RIPOR3: variants seen among roughly 807,000 people sequenced by gnomAD.
The protein encoded by RIPOR3 is RIPOR family member 3.
In RIPOR3, 95 loss-of-function variants were observed where a neutral mutation model predicts 114.3. The ratio of observed to expected loss-of-function variants is 0.83; its 90% CI spans 0.70 to 0.99. The LOEUF is 0.99. Among genes scored for constraint, RIPOR3 ranks in the 50% least tolerant of loss-of-function variants. The pLI is 0.00. For synonymous variants in RIPOR3, 575 were observed against 543.8 expected, an observed-to-expected ratio of 1.06 and a Z score of -0.80; for missense variants, 1,252 against 1,266.9, an observed-to-expected ratio of 0.99 and a Z score of 0.18.
Position 50,635,428 on chromosome 20 carries a change from C to T in RIPOR3, c.4-4572G>A, listed in dbSNP as rs181601470. On this transcript the variant is annotated intron_variant, in intron 1 of 21. Transcript: ENST00000327979. ...CAGCACTTTGAGAGGCTGAGATGGG[C>T]GGATCACTTGAGCCCAGGAGTTCGA... Among the ~76,000 whole-genome samples, 55 of 152,156 alleles carry T rather than the reference C, an allele frequency of 3.6e-4. 1 individual carries two copies. The East Asian group carries it at 9.7e-3, about 27-fold the overall frequency.
chr20:50,599,375 G>C (rs533456686), intron 13 of RIPOR3, among the ~76,000 whole-genome samples: 300 of 151,440 alleles, frequency 2.0e-3, no homozygotes, highest in Middle Eastern at 6.8e-3. Flanking sequence ...CTGGACAACA[G>C]AGTGAGACTC....
chr20:50,616,572 G>C (rs2084179808), intron 3 of RIPOR3, among the ~76,000 whole-genome samples: 1 of 152,104 alleles, frequency 6.6e-6, no homozygotes, highest in South Asian at 2.1e-4. Context: ...CGAACTCCTT[G>C]ACCTCAGGTG....
At chr20:50,649,836 TG>T (rs1241231992) in intron 1 of RIPOR3, among the ~76,000 whole-genome samples, 2 of 152,098 alleles carry the variant, frequency 1.3e-5, no homozygotes, top group Non-Finnish European at 1.5e-5. Flanking sequence ...AGGCTTCCAA[TG>T]GGGGCAGGGG....
chr20:50,656,359 T>C (rs141617019), intron 1 of RIPOR3, among the ~76,000 whole-genome samples: 2 of 152,300 alleles, frequency 1.3e-5, no homozygotes, highest in Non-Finnish European at 2.9e-5. Flanking sequence ...GGTGTAATAA[T>C]AGTGCCTGCC....
intron 6 of RIPOR3, among the ~76,000 whole-genome samples, chr20:50,610,626 G>GTCCCACCTCAGGGCTGAGCCCCCTGAC (rs576211682): frequency 1.3e-5 from 2 of 152,122 alleles, no homozygotes; most frequent in South Asian, 2.1e-4. Flanking sequence ...TCCTCAGGGA[G>GTCCCACCTCAGGGCTGAGCCCCCTGAC]TCCCACCTCA....
At chr20:50,666,183 A>ATTTCTTTTTTCTTTCTTTTCT (rs534286175) in intron 1 of RIPOR3, among the ~76,000 whole-genome samples, 474 of 43,706 alleles carry the variant, frequency 0.011, 16 homozygotes, top group South Asian at 0.021. Flanking sequence ...AAGGACACCC[A>ATTTCTTTTTTCTTTCTTTTCT]TTTCTTTTCT....
At chr20:50,595,608 G>A (rs540977545) in intron 15 of RIPOR3, 104 bp from the exon 16 acceptor site, 104 of 1,453,978 alleles carry the variant, frequency 7.2e-5, no homozygotes, top group East Asian at 7.0e-4. Context: ...CTTCTGTCCC[G>A]GGGGCAGCTC....
chr20:50,588,007 T>TTC, intron 20 of RIPOR3, 115 bp from the exon 21 acceptor site: 1 of 932,260 alleles, frequency 1.1e-6, no homozygotes, highest in Non-Finnish European at 1.6e-6. Flanking sequence ...CCTCAGCCCC[T>TTC]TCCTTTTCTC....
chr20:50,669,031 T>C (rs1452909031), intron 1 of RIPOR3, among the ~76,000 whole-genome samples: 5 of 151,904 alleles, frequency 3.3e-5, no homozygotes, highest in Non-Finnish European at 5.9e-5. Context: ...GTCACACACA[T>C]GCACACACAC....
chr20:50,665,966 T>A (rs2086176800), intron 1 of RIPOR3, among the ~76,000 whole-genome samples: 1 of 151,776 alleles, frequency 6.6e-6, no homozygotes, highest in African/African-American at 2.4e-5. Flanking sequence ...AGCCAGTAAA[T>A]TCCCTTCTTT....
chr20:50,671,982 GT>G (rs2086522215), intron 1 of RIPOR3, among the ~76,000 whole-genome samples: 1 of 137,106 alleles, frequency 7.3e-6, no homozygotes, highest in African/African-American at 2.8e-5. Flanking sequence ...GGATGGGTGC[GT>G]GGATGGATGG....
intron 1 of RIPOR3, chr20:50,660,101 G>A (rs2085945805): frequency 6.6e-6 from 1 of 152,198 alleles, no homozygotes; most frequent in African/African-American, 2.4e-5. Flanking sequence ...TGGATGTGGG[G>A]TGGTCATTCT....
intron 14 of RIPOR3, 127 bp downstream of exon 14, chr20:50,597,453 A>T (rs1442997617): frequency 7.4e-7 from 1 of 1,345,448 alleles, no homozygotes; most frequent in Non-Finnish European, 1.0e-6. Context: ...GGTGCACGAT[A>T]GAGTGACAAG....
chr20:50,602,063 T>G lies in RIPOR3; in HGVS notation c.1659+9A>C, dbSNP rs772155963. 4.0e-6 allele frequency: 6 copies of G among 1,513,062 alleles called. No individual in the cohort carries two copies. The South Asian group carries it at 7.7e-5, about 19-fold the overall frequency. The allele number at this position is 1,513,062 out of a possible 1,614,324, so 93.7% of individuals were successfully genotyped here. A position where few individuals can be genotyped will look rare whatever the true frequency, so the allele number is the denominator to read the frequency against. ...AGCAGGGCCACCGCCCGGGGCGGGG[T>G]GGCCATACCTTCAGCCGGTCCCGGA... On this transcript the variant is annotated intron_variant, in intron 13 of 21. Coordinates refer to ENST00000327979, the MANE Select transcript of RIPOR3 (RefSeq NM_001290268.2). The surrounding 1 kb of genome is among the most constrained non-coding windows in gnomAD (Gnocchi z 4.3).
chr20:50,656,711 G>A (rs184262195), intron 1 of RIPOR3, among the ~76,000 whole-genome samples: 8 of 152,172 alleles, frequency 5.3e-5, no homozygotes, highest in African/African-American at 1.7e-4. Flanking sequence ...TGTTGGTCAG[G>A]CTGGTCTCGA....
chr20:50,592,295 T>C (rs372764319), intron 19 of RIPOR3, 49 bp downstream of exon 19: 11 of 1,485,690 alleles, frequency 7.4e-6, no homozygotes, highest in Non-Finnish European at 9.0e-6. Flanking sequence ...AGCTTACCTA[T>C]GCCCACACAT....
At position 50,651,193 on chromosome 20, in the gene RIPOR3, CAGG is replaced by C. The variant is rs199862724; in HGVS notation, c.4-20340_4-20338del. Among the ~76,000 whole-genome samples the C allele has an allele frequency of 9.6e-3, 1,459 of 152,202 alleles. 17 individuals are homozygous for C. The highest frequency in any genetic ancestry group is 0.033 in the African/African-American group (1,390 of 41,546). ...GCTTTGGAGGTGAAGGTGGCCAATA[CAGG>C]AGGCCTCTAGAAGCTGAAAGCAGCC... On this transcript the variant is annotated intron_variant, in intron 1 of 21. Coordinates refer to ENST00000327979, the MANE Select transcript of RIPOR3 (RefSeq NM_001290268.2).
Position 50,602,745 on chromosome 20 carries a change from T to C in RIPOR3, c.1087-101A>G. ...GACAGACACCCGCTGTGCATGCCCATGTTCTCAGGATGACTGAGGCCTGCC... is the reference window on the plus strand; with the variant it reads ...GACAGACACCCGCTGTGCATGCCCACGTTCTCAGGATGACTGAGGCCTGCC... On this transcript the variant is annotated intron_variant, in intron 12 of 21. Transcript: ENST00000327979. This position sits in a 1 kb window ranked among gnomAD's most constrained non-coding sequence, Gnocchi z 4.3. The C allele has an allele frequency of 3.3e-6, 3 of 902,000 alleles. No homozygotes were observed. The allele number at this position is 902,000 out of a possible 1,614,324, so 55.9% of individuals were successfully genotyped here. A position where few individuals can be genotyped will look rare whatever the true frequency, so the allele number is the denominator to read the frequency against.
intron 17 of RIPOR3, among the ~76,000 whole-genome samples, chr20:50,594,003 G>T (rs927556848): frequency 2.1e-4 from 32 of 152,222 alleles, no homozygotes; most frequent in Middle Eastern, 3.4e-3. Flanking sequence ...GGGCGCAGTG[G>T]CTCATGCCTG....
Sources: gnomAD v4.1 joint callset for allele counts (sites outside exome capture counted in the v4.1 genomes callset) on GRCh38, gnomAD v4.1.1 for gene constraint, Gnocchi (gnomAD v3.1) non-coding constraint, MANE v1.5 for transcripts, NCBI Gene and HGNC (gene_info 2026-07-23, HGNC 2026-07-21) for gene names.